Variants in ARHGAP29 observed in about 807,000 individuals in gnomAD.
The protein encoded by ARHGAP29 is Rho GTPase activating protein 29.
A neutral mutation model predicts 122.6 loss-of-function variants in ARHGAP29; 43 were observed. The observed-to-expected ratio is 0.35, with a 90% CI of 0.27 to 0.45. ARHGAP29 has a LOEUF of 0.45. Among genes scored for constraint, ARHGAP29 ranks in the 20% least tolerant of loss-of-function variants. The pLI, the probability that ARHGAP29 is intolerant of heterozygous loss-of-function variation, is 1.00. For missense variants in ARHGAP29, 1,303 were observed against 1,477.2 expected, an observed-to-expected ratio of 0.88 and a Z score of 1.93; for synonymous variants, 506 against 497.1, an observed-to-expected ratio of 1.02 and a Z score of -0.24.
At chr1:94,273,868 T>A (rs189944111) in intron 1 of ARHGAP29, among the ~76,000 whole-genome samples, 8 of 151,596 alleles carry the variant, frequency 5.3e-5, no homozygotes, top group African/African-American at 1.9e-4. Context: ...TTTATTTTGA[T>A]TAAAAATTTA....
chr1:94,183,146 C>G (rs1649581004), intron 19 of ARHGAP29, among the ~76,000 whole-genome samples: 1 of 151,982 alleles, frequency 6.6e-6, no homozygotes, highest in Admixed American at 6.5e-5. Flanking sequence ...TTATATGTAT[C>G]AAAACATCAC....
At chr1:94,182,758 T>C (rs1649555517) in intron 19 of ARHGAP29, among the ~76,000 whole-genome samples, 1 of 152,146 alleles carries the variant, frequency 6.6e-6, no homozygotes, top group African/African-American at 2.4e-5. Context: ...AGGTTTTAAA[T>C]ATTTACTCCT....
intron 1 of ARHGAP29, among the ~76,000 whole-genome samples, chr1:94,236,304 C>T (rs1442358474): frequency 6.6e-6 from 1 of 152,216 alleles, no homozygotes. Context: ...GCATCCCACC[C>T]CTCCAGAATG....
intron 1 of ARHGAP29, among the ~76,000 whole-genome samples, chr1:94,251,359 C>CA (rs566824621): frequency 2.0e-5 from 3 of 151,772 alleles, no homozygotes; most frequent in African/African-American, 7.3e-5. Flanking sequence ...TTAATAGAGG[C>CA]GGGGTTTCAC....
chr1:94,271,599 C>T (rs1474234569), intron 1 of ARHGAP29, among the ~76,000 whole-genome samples: 1 of 152,172 alleles, frequency 6.6e-6, no homozygotes, highest in African/African-American at 2.4e-5. Context: ...ATTGGAATGG[C>T]CTACTGAACA....
intron 1 of ARHGAP29, among the ~76,000 whole-genome samples, chr1:94,244,455 G>A (rs969543584): frequency 2.6e-5 from 4 of 151,176 alleles, no homozygotes; most frequent in Non-Finnish European, 4.4e-5. Flanking sequence ...CAACAACGTA[G>A]GAATAGAAGA....
rs1341567564 is a variant in ARHGAP29 at position 94,171,942 on chromosome 1, C to T, written c.*1927G>A. 1 of 152,112 alleles carries T rather than the reference C, an allele frequency of 6.6e-6. No individual in the cohort carries two copies. The highest frequency in any genetic ancestry group is 1.5e-5 in the Non-Finnish European group (1 of 68,014). 9.4% of individuals were successfully genotyped at this position (152,112 alleles called of 1,614,324 possible). On this transcript the variant is annotated 3_prime_UTR_variant, in exon 23 of 23. Transcript: ENST00000260526. ...AAAACAATGTGAATATACTTAATGC[C>T]ACTGAACTATATGCTTAAAAATGGT...
chr1:94,221,974 TA>T (rs71588515), intron 2 of ARHGAP29, among the ~76,000 whole-genome samples: 170 of 138,070 alleles, frequency 1.2e-3, no homozygotes, highest in African/African-American at 3.7e-3. Flanking sequence ...GGAAGAACTT[TA>T]AAAAAAAAAA....
chr1:94,239,731 A>C (rs746674431), upstream of ARHGAP29, among the ~76,000 whole-genome samples: 10 of 149,654 alleles, frequency 6.7e-5, no homozygotes, highest in Non-Finnish European at 1.3e-4. Flanking sequence ...TCTCACATGC[A>C]AACAGTTCTG....
intron 22 of ARHGAP29, among the ~76,000 whole-genome samples, chr1:94,175,954 C>T (rs768804642): frequency 6.6e-6 from 1 of 152,182 alleles, no homozygotes; most frequent in Non-Finnish European, 1.5e-5. Flanking sequence ...CCGCACACCT[C>T]AGACTCCCAA....
At chr1:94,272,588 G>T (rs1655034649) in intron 1 of ARHGAP29, among the ~76,000 whole-genome samples, 1 of 152,146 alleles carries the variant, frequency 6.6e-6, no homozygotes, top group African/African-American at 2.4e-5. Flanking sequence ...ACTACAGCTG[G>T]GTCATTTATG....
Position 94,186,535 on chromosome 1 carries a change from G to A in ARHGAP29, c.1744C>T (p.Leu582=). Residue 582 remains leucine, a synonymous_variant, in exon 16 of 23, where the codon CTA becomes TTA. Coordinates refer to ENST00000260526, the MANE Select transcript of ARHGAP29 (RefSeq NM_004815.4). ...SSGTMSSADD[L]DEREPPSPSE... The stretch of plus-strand genomic sequence containing the variant: ...GGGGAAGGTGGCTCTCTTTCATCTA[G>A]ATCATCTGCAGAGGACATAGTTCCA... 1.2e-6 allele frequency: 2 copies of A among 1,613,754 alleles called. No individual in the cohort carries two copies. The highest frequency in any genetic ancestry group is 1.1e-5 in the South Asian group (1 of 91,064).
At chr1:94,210,386 G>A (rs79450158) in intron 3 of ARHGAP29, among the ~76,000 whole-genome samples, 1 of 152,108 alleles carries the variant, frequency 6.6e-6, no homozygotes, top group African/African-American at 2.4e-5. Context: ...ATAGGTACGT[G>A]GTGAAGAATA....
chr1:94,198,564 T>C (rs796514535), intron 12 of ARHGAP29, among the ~76,000 whole-genome samples: 6 of 152,208 alleles, frequency 3.9e-5, no homozygotes, highest in East Asian at 1.9e-4. Context: ...TGTGTACATA[T>C]AGACCATTCA....
In ARHGAP29 at chr1:94,174,025, G is replaced by C. The variant is rs780996785; in HGVS notation, c.3630C>G (p.Asp1210Glu). 7 of 1,614,084 alleles carry C rather than the reference G, an allele frequency of 4.3e-6. No homozygotes were observed. The highest frequency in any genetic ancestry group is 5.1e-6 in the Non-Finnish European group (6 of 1,180,040). ...CTTGCCCAGGACAAGCTGATGCTTT[G>C]TCTGGGTCTGGCATTGACTTCACCA... ...GLVVKSMPDP[D>E]KASACPGQAT... is the part of the protein sequence containing the mutation. Residue 1210 changes from aspartate (D) to glutamate (E), a missense_variant, in exon 23 of 23, where the codon GAC becomes GAG. Asp to Glu is a conservative substitution (Grantham distance 45). Transcript: ENST00000260526.
rs940577580 is a variant in ARHGAP29, at chr1:94,209,043, CCA to C, written c.438-141_438-140del. 33 of 868,112 alleles carry C rather than the reference CCA, an allele frequency of 3.8e-5. No homozygotes were observed. The African/African-American group carries it at 5.1e-4, about 14-fold the overall frequency. 53.8% of individuals were successfully genotyped at this position (868,112 alleles called of 1,614,324 possible). A position where few individuals can be genotyped will look rare whatever the true frequency, so the allele number is the denominator to read the frequency against. ...ACCCCTAGGAATCTGTTCACATAAA[CCA>C]CAGTCACTTGCAAATGGATGTTGCT... On this transcript the variant is annotated intron_variant, in intron 4 of 22. Transcript: ENST00000260526.
At chr1:94,294,282 A>ACACG in the ARHGAP29 span, among the ~76,000 whole-genome samples, 22 of 151,418 alleles carry the variant, frequency 1.5e-4, no homozygotes, top group African/African-American at 5.1e-4. Context: ...ACACACACAC[A>ACACG]CGCGCATATA....
chr1:94,234,737 G>A (rs564551949), intron 1 of ARHGAP29, among the ~76,000 whole-genome samples: 2 of 152,076 alleles, frequency 1.3e-5, no homozygotes, highest in East Asian at 3.9e-4. Flanking sequence ...TCTTTTTTGG[G>A]CAGCTCTTTT....
chr1:94,236,755 TGAGGAAAACTCTCAAC>T (rs1474099611), intron 1 of ARHGAP29, among the ~76,000 whole-genome samples: 1 of 151,934 alleles, frequency 6.6e-6, no homozygotes, highest in Non-Finnish European at 1.5e-5. Context: ...CCTCTGAGAC[TGAGGAAAACTCTCAAC>T]GAAACCCAAA....
Sources: gnomAD v4.1 joint callset for allele counts (sites outside exome capture counted in the v4.1 genomes callset) on GRCh38, gnomAD v4.1.1 for gene constraint, MANE v1.5 for transcripts, NCBI Gene and HGNC (gene_info 2026-07-23, HGNC 2026-07-21) for gene names.